MAPKBP1: variants seen among roughly 807,000 people sequenced by gnomAD.
MAPKBP1 encodes mitogen-activated protein kinase-binding protein 1.
MAPKBP1 carries 71 observed loss-of-function variants against 170.5 expected under a neutral mutation model. That is an observed-to-expected ratio of 0.42 (90% CI 0.34 to 0.51). MAPKBP1 has a LOEUF of 0.51. MAPKBP1 is among the 20% of genes least tolerant of loss of function. MAPKBP1 has a pLI of 0.06. For missense variants in MAPKBP1, 1,598 were observed against 1,933.0 expected (o/e 0.83, Z 3.25); for synonymous variants, 719 against 757.9 (o/e 0.95, Z 0.84).
At chr15:41,775,133 C>A (rs1488351845) in intron 1 of MAPKBP1, 34 bp from the exon 2 acceptor site, 2 of 643,592 alleles carry the variant, frequency 3.1e-6, no homozygotes, top group Admixed American at 2.7e-5. Context: ...GAAGGTAAGA[C>A]ACTGTGATAC....
chr15:41,822,879 T>C, intron 27 of MAPKBP1, 60 bp from the exon 28 acceptor site: 1 of 1,548,406 alleles, frequency 6.5e-7, no homozygotes, highest in Non-Finnish European at 8.8e-7. Context: ...TTTCTCGCCA[T>C]TTTGGCAGGG....
intron 2 of MAPKBP1, among the ~76,000 whole-genome samples, chr15:41,777,765 TGTG>T (rs1249763115): frequency 8.5e-5 from 13 of 152,232 alleles, no homozygotes; most frequent in Non-Finnish European, 1.8e-4. Context: ...TGCTCTAACA[TGTG>T]GTGGCTGTGA....
rs1450664253 is a variant in MAPKBP1 at position 41,816,589 on chromosome 15, G to A, written c.1524G>A (p.Met508Ile). The change falls in exon 13 of 31, where the codon ATG becomes ATA. Residue 508 changes from methionine (M) to isoleucine (I), a missense_variant. By Grantham distance (10) the Met-to-Ile change is conservative (BLOSUM62 1). Coordinates refer to ENST00000457542, the MANE Select transcript of MAPKBP1 (RefSeq NM_014994.3). ...RVHELQSLSEMLKVEAHDSEI... is the reference protein window; with the variant it reads ...RVHELQSLSEILKVEAHDSEI... The stretch of plus-strand genomic sequence containing the variant: ...ACGAACTTCAGTCCCTGAGTGAGAT[G>A]CTGAAGGTGGAGGCCCATGACTCTG... 1 of 1,614,096 alleles carries A rather than the reference G, an allele frequency of 6.2e-7. No homozygotes were observed. The highest frequency in any genetic ancestry group is 8.5e-7 in the Non-Finnish European group (1 of 1,180,006).
Position 41,796,611 on chromosome 15 carries a change from C to CG in MAPKBP1, c.115-3212_115-3211insG, listed in dbSNP as rs201602594. Among the ~76,000 whole-genome samples the CG allele has an allele frequency of 4.2e-3, 647 of 152,290 alleles. 5 individuals carry two copies. The highest frequency in any genetic ancestry group is 0.015 in the African/African-American group (614 of 41,552). On this transcript the variant is annotated intron_variant, in intron 2 of 30. Coordinates refer to ENST00000457542, the MANE Select transcript of MAPKBP1 (RefSeq NM_014994.3). ...AGCCAAAGGAAACTGCTTTTCCCCCCCCTTGGATAGCTGCTTAGAAAGCCA... is the reference window on the plus strand; with the variant it reads ...AGCCAAAGGAAACTGCTTTTCCCCCCGCCTTGGATAGCTGCTTAGAAAGCCA...
rs775810166 is a variant in MAPKBP1, at chr15:41,823,115, G to A, written c.3491G>A (p.Arg1164Gln). 9.9e-6 allele frequency: 16 copies of A among 1,613,586 alleles called. No homozygotes were observed. Among genetic ancestry groups the A allele is most frequent in the African/African-American group, 2.7e-5 (2 of 74,926 alleles). ...CAGGCAGCCTCTGTGCTGTTGCCAC[G>A]ATGCCGTCTCAACCCTGACAGCAGC... ...PQQAASVLLP[R>Q]CRLNPDSSWA... is the part of the protein sequence containing the mutation. Residue 1164 changes from arginine to glutamine, a missense_variant, in exon 28 of 31, where the codon CGA becomes CAA. Arg to Gln is a conservative substitution (Grantham distance 43, BLOSUM62 1). Transcript: ENST00000457542.
chr15:41,796,840 C>A (rs919969403), intron 2 of MAPKBP1, among the ~76,000 whole-genome samples: 1 of 152,098 alleles, frequency 6.6e-6, no homozygotes, highest in African/African-American at 2.4e-5. Flanking sequence ...GCAGGGTTTC[C>A]CAAACTAGAG....
intron 2 of MAPKBP1, among the ~76,000 whole-genome samples, chr15:41,783,965 C>T (rs776610098): frequency 9.2e-5 from 14 of 151,938 alleles, no homozygotes; most frequent in South Asian, 2.1e-4. Flanking sequence ...GCCGAGATCG[C>T]GCCACTGCAC....
chr15:41,815,116 A>G (rs1285795537), intron 10 of MAPKBP1, 143 bp from the exon 11 acceptor site: 6 of 910,004 alleles, frequency 6.6e-6, no homozygotes, highest in Non-Finnish European at 1.0e-5. Context: ...AAGGGTATAT[A>G]CCAGTTATGT....
intron 6 of MAPKBP1, 40 bp from the exon 7 acceptor site, chr15:41,812,476 A>G (rs1430490355): frequency 2.5e-6 from 4 of 1,613,450 alleles, no homozygotes; most frequent in Non-Finnish European, 3.4e-6. Context: ...CTTAGCTCCA[A>G]GAGACAGAGC....
At chr15:41,793,240 C>T (rs1048291397) in intron 2 of MAPKBP1, among the ~76,000 whole-genome samples, 1 of 152,216 alleles carries the variant, frequency 6.6e-6, no homozygotes, top group Non-Finnish European at 1.5e-5. Flanking sequence ...GTAATCCCAG[C>T]ACTTTGGGAG....
chr15:41,805,983 T>A (rs1182910921), intron 3 of MAPKBP1, among the ~76,000 whole-genome samples: 1 of 152,258 alleles, frequency 6.6e-6, no homozygotes. Flanking sequence ...GGGCCCTCAT[T>A]CACACTCTGC....
chr15:41,806,356 C>G (rs2152076134), intron 3 of MAPKBP1, among the ~76,000 whole-genome samples: 1 of 152,324 alleles, frequency 6.6e-6, no homozygotes, highest in Middle Eastern at 3.4e-3. Context: ...CAGATTTTAC[C>G]TGGTCTGAAA....
At position 41,813,016 on chromosome 15, in the gene MAPKBP1, C is replaced by CGGACA; in HGVS notation, c.736_740dup (p.Ser247ArgfsTer28). ...GTGGCCTGTGGCAGAGGAAAAAAGG[C>CGGACA]GGACAGTACCTTCTGCATCACGTCC... On this transcript the variant is annotated frameshift_variant, in exon 8 of 31. Transcript: ENST00000457542. LOFTEE classifies it high-confidence loss of function. 3 of 1,614,012 alleles carry CGGACA rather than the reference C, an allele frequency of 1.9e-6. No individual in the cohort carries two copies. Among genetic ancestry groups the CGGACA allele is most frequent in the Non-Finnish European group, 2.5e-6 (3 of 1,179,956 alleles).
At position 41,824,131 on chromosome 15, in the gene MAPKBP1, G is replaced by A; in HGVS notation, c.4213+70G>A. ...CTCCCCTCTCTGTTGGCCGCTGTCT[G>A]GCTCCATCCCATTTCTGTGGGTACA... On this transcript the variant is annotated intron_variant, in intron 29 of 30. Coordinates refer to ENST00000457542, the MANE Select transcript of MAPKBP1 (RefSeq NM_014994.3). 5.9e-6 allele frequency: 9 copies of A among 1,515,778 alleles called. No homozygotes were observed. The South Asian group carries it at 1.1e-4, about 19-fold the overall frequency. The allele number at this position is 1,515,778 out of a possible 1,614,324, so 93.9% of individuals were successfully genotyped here. A position where few individuals can be genotyped will look rare whatever the true frequency, so the allele number is the denominator to read the frequency against.
chr15:41,786,392 T>A (rs963793718), intron 2 of MAPKBP1, among the ~76,000 whole-genome samples: 1 of 152,172 alleles, frequency 6.6e-6, no homozygotes, highest in Non-Finnish European at 1.5e-5. Flanking sequence ...GTATTTCATA[T>A]GTAAATCTAA....
intron 3 of MAPKBP1, chr15:41,810,584 T>G (rs1053139490): frequency 1.5e-4 from 55 of 355,946 alleles, no homozygotes; most frequent in Admixed American, 1.3e-4. Flanking sequence ...GCTTGCATGG[T>G]GGCACATGCC....
intron 2 of MAPKBP1, among the ~76,000 whole-genome samples, chr15:41,792,433 G>A (rs1290889908): frequency 1.3e-5 from 2 of 152,080 alleles, no homozygotes; most frequent in African/African-American, 4.8e-5. Flanking sequence ...GTTGGTATAC[G>A]CTTTCTTCCA....
intron 30 of MAPKBP1, 64 bp downstream of exon 30, chr15:41,824,633 A>T: frequency 2.1e-6 from 3 of 1,445,076 alleles, no homozygotes; most frequent in South Asian, 1.2e-5. Flanking sequence ...GTTTCGGATA[A>T]CCATGTCCAG....
In MAPKBP1 at chr15:41,825,192, T is replaced by C. The variant is rs773341090; in HGVS notation, c.4300-17T>C. 2 of 1,568,650 alleles carry C rather than the reference T, an allele frequency of 1.3e-6. No individual in the cohort carries two copies. The highest frequency in any genetic ancestry group is 1.7e-6 in the Non-Finnish European group (2 of 1,150,106). On this transcript the variant is annotated splice_polypyrimidine_tract_variant and intron_variant, in intron 30 of 30. Coordinates refer to ENST00000457542, the MANE Select transcript of MAPKBP1 (RefSeq NM_014994.3). Reference sequence around the variant, plus strand: ...TTGACAGGCTCCTCCACCTCACTTCTGGGGGTGCTATTTCAGGTGGCTGGC... The same window carrying C: ...TTGACAGGCTCCTCCACCTCACTTCCGGGGGTGCTATTTCAGGTGGCTGGC...
Sources: gnomAD v4.1 joint callset for allele counts (sites outside exome capture counted in the v4.1 genomes callset) on GRCh38, gnomAD v4.1.1 for gene constraint, MANE v1.5 for transcripts, NCBI Gene and HGNC (gene_info 2026-07-23, HGNC 2026-07-21) for gene names.